FANCA: variants seen among roughly 807,000 people sequenced by gnomAD.
The protein encoded by FANCA is FA complementation group A.
Under a neutral mutation model 194.3 loss-of-function variants are expected in FANCA, and 236 were observed. The observed-to-expected ratio is 1.21, with a 90% CI of 1.09 to 1.35. The LOEUF is 1.35. Among genes scored for constraint, FANCA ranks in the 40% most tolerant of loss-of-function variants. FANCA has a pLI of 0.00. For missense variants in FANCA, 2,628 were observed against 1,813.9 expected (o/e 1.45, Z -8.15); for synonymous variants, 1,014 against 715.8 (o/e 1.42, Z -6.65).
chr16:89,769,758 T>A, intron 26 of FANCA, 79 bp downstream of exon 26: 1 of 1,516,676 alleles, frequency 6.6e-7, no homozygotes, highest in Non-Finnish European at 9.0e-7. Flanking sequence ...CATGTCTGTC[T>A]CTTCTAATTT....
intron 37 of FANCA, 24 bp downstream of exon 37, chr16:89,742,776 C>A: frequency 6.3e-7 from 1 of 1,585,888 alleles, no homozygotes. Context: ...GAAAATAAAT[C>A]AGTAAAAGAA....
chr16:89,748,980 T>C (rs1215670267), intron 32 of FANCA, among the ~76,000 whole-genome samples: 1 of 151,196 alleles, frequency 6.6e-6, no homozygotes, highest in African/African-American at 2.4e-5. Context: ...TCAAAATGTG[T>C]TACCAAACAA....
chr16:89,791,865 T>C, intron 13 of FANCA, 62 bp downstream of exon 13: 2 of 1,601,932 alleles, frequency 1.2e-6, no homozygotes, highest in Admixed American at 1.7e-5. Flanking sequence ...CAGCTGGGAC[T>C]CTGCTGACAC....
chr16:89,792,802 G>C, intron 11 of FANCA: 1 of 429,208 alleles, frequency 2.3e-6, no homozygotes. Context: ...CAAAGCAAAA[G>C]GGGCAGGGTA....
intron 32 of FANCA, 127 bp from the exon 33 acceptor site, chr16:89,748,894 G>C: frequency 2.6e-6 from 2 of 773,740 alleles, no homozygotes; most frequent in East Asian, 2.7e-5. Context: ...CCAGAGCCTT[G>C]GCCTGTGTCC....
chr16:89,757,686 C>A (rs2038810904), intron 30 of FANCA, among the ~76,000 whole-genome samples: 1 of 152,148 alleles, frequency 6.6e-6, no homozygotes, highest in Non-Finnish European at 1.5e-5. Flanking sequence ...GGGACAAAGC[C>A]TGGACAGCCC....
At chr16:89,792,184 G>A in intron 12 of FANCA, 116 bp from the exon 13 acceptor site, 3 of 1,217,062 alleles carry the variant, frequency 2.5e-6, no homozygotes, top group Non-Finnish European at 3.6e-6. Flanking sequence ...CCACTGCAAA[G>A]GTAACACATG....
intron 14 of FANCA, 67 bp from the exon 15 acceptor site, chr16:89,785,031 TGTGTGGAGAGAAGAG>T: frequency 8.8e-7 from 1 of 1,142,348 alleles, no homozygotes; most frequent in Non-Finnish European, 1.3e-6. Flanking sequence ...GGCAGTGTCC[TGTGTGGAGAGAAGAG>T]CGTGAAGCCC....
chr16:89,814,188 G>T (rs74033884), intron 3 of FANCA, among the ~76,000 whole-genome samples: 1 of 152,138 alleles, frequency 6.6e-6, no homozygotes, highest in Admixed American at 6.5e-5. Flanking sequence ...TTGTTCTCCC[G>T]TCTGCTCTCC....
intron 31 of FANCA, among the ~76,000 whole-genome samples, chr16:89,751,561 G>C (rs1443436808): frequency 1.3e-5 from 2 of 152,132 alleles, no homozygotes; most frequent in Admixed American, 6.5e-5. Context: ...AAAGCATCTG[G>C]CTAAGGAGTT....
rs894570206 is a variant in FANCA, at chr16:89,746,911, G to A, written c.3349-21C>T. ...TTTCTCTGCAAAAGAGTTCAAGGCA[G>A]GTAAGAAAAGCCCACAGGAAGAGAG... On this transcript the variant is annotated intron_variant, in intron 33 of 42. Coordinates refer to ENST00000389301, the MANE Select transcript of FANCA (RefSeq NM_000135.4). The A allele has an allele frequency of 1.7e-5, 26 of 1,551,384 alleles. No individual in the cohort carries two copies. The African/African-American group carries it at 2.6e-4, about 16-fold the overall frequency.
Position 89,778,925 on chromosome 16 carries a change from A to G in FANCA, c.1776+18T>C, listed in dbSNP as rs1306765661. On this transcript the variant is annotated intron_variant, in intron 19 of 42. Transcript: ENST00000389301. Reference sequence around the variant, plus strand: ...TTTCTACACAACTGGTCACAAACTCATGGAGACGCATACTGACCACTCGAG... The same window carrying G: ...TTTCTACACAACTGGTCACAAACTCGTGGAGACGCATACTGACCACTCGAG... 1.9e-6 allele frequency: 3 copies of G among 1,613,354 alleles called. No individual in the cohort carries two copies. The highest frequency in any genetic ancestry group is 2.7e-5 in the African/African-American group (2 of 74,920).
At chr16:89,791,168 G>C (rs915714230) in intron 14 of FANCA, 6 of 581,900 alleles carry the variant, frequency 1.0e-5, no homozygotes, top group African/African-American at 9.4e-5. Flanking sequence ...CTGAGGCCCC[G>C]ACAGGGAGAA....
In FANCA at chr16:89,737,922, A is replaced by AC. The variant is rs779679071; in HGVS notation, c.*678dup. The AC allele has an allele frequency of 4.9e-5, 76 of 1,556,070 alleles. No homozygotes were observed. Among genetic ancestry groups the AC allele is most frequent in the Middle Eastern group, 3.3e-4 (2 of 6,050 alleles). On this transcript the variant is annotated 3_prime_UTR_variant, in exon 43 of 43. Coordinates refer to ENST00000389301, the MANE Select transcript of FANCA (RefSeq NM_000135.4). ...GCCTTTGCAGTAAGTGTGAGTCAGG[A>AC]CCCCCTCCCAGGGCTGTGGCCCTCG...
At chr16:89,768,731 T>A (rs2039216166) in intron 26 of FANCA, among the ~76,000 whole-genome samples, 1 of 152,272 alleles carries the variant, frequency 6.6e-6, no homozygotes, top group Admixed American at 6.5e-5. Context: ...TCTCCCTTTC[T>A]TATGCAAAAA....
intron 11 of FANCA, among the ~76,000 whole-genome samples, 176 bp downstream of exon 11, chr16:89,795,730 A>G (rs1441326061): frequency 6.6e-6 from 1 of 152,232 alleles, no homozygotes; most frequent in Non-Finnish European, 1.5e-5. Flanking sequence ...TGTTGCTTTC[A>G]GGTAAAAGGA....
At chr16:89,749,558 T>C (rs1002428792) in intron 32 of FANCA, among the ~76,000 whole-genome samples, 172 bp downstream of exon 32, 1 of 152,106 alleles carries the variant, frequency 6.6e-6, no homozygotes, top group Non-Finnish European at 1.5e-5. Context: ...CTTTCAACCC[T>C]CCAGATCCTC....
chr16:89,789,705 C>T lies in FANCA; in HGVS notation c.1359+1698G>A, dbSNP rs183696291. Among the ~76,000 whole-genome samples, 5 of 152,228 alleles carry T rather than the reference C, an allele frequency of 3.3e-5. No individual in the cohort carries two copies. The East Asian group carries it at 9.7e-4, about 29-fold the overall frequency. ...CCTCCTGCCTAGGCCTCCCAAACTGCTGAGATTACAGGCATGAGCCACTGT... is the reference window on the plus strand; with the variant it reads ...CCTCCTGCCTAGGCCTCCCAAACTGTTGAGATTACAGGCATGAGCCACTGT... On this transcript the variant is annotated intron_variant, in intron 14 of 42. Transcript: ENST00000389301.
intron 17 of FANCA, among the ~76,000 whole-genome samples, chr16:89,780,802 C>G (rs2039674428): frequency 6.6e-6 from 1 of 151,828 alleles, no homozygotes. Flanking sequence ...TGGTGGCGCA[C>G]ACTTGTACTC....
Sources: gnomAD v4.1 joint callset for allele counts (sites outside exome capture counted in the v4.1 genomes callset) on GRCh38, gnomAD v4.1.1 for gene constraint, MANE v1.5 for transcripts, NCBI Gene and HGNC (gene_info 2026-07-23, HGNC 2026-07-21) for gene names.